PFDN1: variants seen among roughly 807,000 people sequenced by gnomAD.
PFDN1 encodes the protein prefoldin 1.
In PFDN1, 6 loss-of-function variants were observed where a neutral mutation model predicts 17.3. The ratio of observed to expected loss-of-function variants is 0.35; its 90% CI spans 0.19 to 0.69. The LOEUF (loss-of-function observed/expected upper bound fraction) is 0.69, where lower values mean the gene tolerates loss of function less well. Among genes scored for constraint, PFDN1 ranks in the 30% least tolerant of loss-of-function variants. PFDN1 has a pLI of 0.65. For synonymous variants in PFDN1, 58 were observed against 50.1 expected (o/e 1.16, Z -0.67); for missense variants, 113 against 146.2 (o/e 0.77, Z 1.17).
At chr5:140,301,275 AAG>A (rs1417375764) in intron 1 of PFDN1, among the ~76,000 whole-genome samples, 1 of 152,238 alleles carries the variant, frequency 6.6e-6, no homozygotes, top group Non-Finnish European at 1.5e-5. Flanking sequence ...AAGACCAAGA[AAG>A]AGAGTGAGAA....
At chr5:140,276,015 T>TTGATGATGATGA (rs57224353) in intron 3 of PFDN1, among the ~76,000 whole-genome samples, 8 of 149,256 alleles carry the variant, frequency 5.4e-5, no homozygotes, top group Admixed American at 2.7e-4. Flanking sequence ...AGAAGAGAAA[T>TTGATGATGATGA]TGATGATGAT....
intron 3 of PFDN1, among the ~76,000 whole-genome samples, chr5:140,272,342 A>G (rs1380732115): frequency 6.8e-6 from 1 of 146,158 alleles, no homozygotes. Flanking sequence ...TTTTAGAGAT[A>G]CATCCATAGG....
intron 3 of PFDN1, among the ~76,000 whole-genome samples, chr5:140,267,342 C>A (rs1765147136): frequency 6.6e-6 from 1 of 152,242 alleles, no homozygotes. Flanking sequence ...AAGCTAAATG[C>A]ACATTTCCAT....
At position 140,246,030 on chromosome 5, in the gene PFDN1, C is replaced by T. The variant is rs757466775; in HGVS notation, c.313G>A (p.Val105Ile). 5 of 1,562,004 alleles carry T rather than the reference C, an allele frequency of 3.2e-6. No homozygotes were observed. The highest frequency in any genetic ancestry group is 1.4e-5 in the African/African-American group (1 of 73,940). ...EQKKSYLERS[V>I]KEAEDNIREM... ...CGGATGTTGTCCTCAGCTTCCTTAA[C>T]GCTTCGCTCCAGGTAGGACTTTTTC... The change falls in exon 4 of 4, where the codon GTT (valine) becomes ATT (isoleucine). Residue 105 changes from valine to isoleucine, a missense_variant. Coordinates refer to ENST00000261813, the MANE Select transcript of PFDN1 (RefSeq NM_002622.5).
chr5:140,259,543 C>CA (rs1374084468), intron 3 of PFDN1, among the ~76,000 whole-genome samples: 1 of 152,166 alleles, frequency 6.6e-6, no homozygotes. Context: ...AAAACAACAA[C>CA]AAAAAACAGT....
intron 3 of PFDN1, among the ~76,000 whole-genome samples, chr5:140,255,751 T>C (rs1342175290): frequency 2.0e-5 from 3 of 152,174 alleles, no homozygotes; most frequent in African/African-American, 7.2e-5. Context: ...TTCTTCTTAA[T>C]CTTCTATTTC....
rs776209656 is a variant in PFDN1 at position 140,245,533 on chromosome 5, G to A, written c.*441C>T. 12 of 702,628 alleles carry A rather than the reference G, an allele frequency of 1.7e-5. No homozygotes were observed. In the South Asian group the frequency reaches 1.8e-4, roughly 10 times the overall value. 43.5% of individuals were successfully genotyped at this position (702,628 alleles called of 1,614,324 possible). On this transcript the variant is annotated 3_prime_UTR_variant, in exon 4 of 4. Transcript: ENST00000261813. The stretch of plus-strand genomic sequence containing the variant: ...GGGCAAGGCCCATCCCCCAAGAAAG[G>A]AAGGGCTCTGATGCAGAGGGAGCAG...
At chr5:140,253,176 C>T (rs1218249697) in intron 3 of PFDN1, among the ~76,000 whole-genome samples, 1 of 152,184 alleles carries the variant, frequency 6.6e-6, no homozygotes, top group Non-Finnish European at 1.5e-5. Flanking sequence ...AAAAGAAAGA[C>T]AGAAAAGACC....
chr5:140,293,078 G>A (rs1481149111), intron 2 of PFDN1: 4 of 152,056 alleles, frequency 2.6e-5, no homozygotes, highest in Non-Finnish European at 5.9e-5. Context: ...AAAATTGACT[G>A]TTTTCAGAGA....
At chr5:140,263,591 C>T (rs1215318164) in intron 3 of PFDN1, among the ~76,000 whole-genome samples, 1 of 152,028 alleles carries the variant, frequency 6.6e-6, no homozygotes, top group African/African-American at 2.4e-5. Flanking sequence ...TCTATTTTTG[C>T]ATTACTATAA....
intron 2 of PFDN1, among the ~76,000 whole-genome samples, chr5:140,296,657 CAT>C (rs765051072): frequency 1.1e-4 from 17 of 152,302 alleles, no homozygotes; most frequent in South Asian, 2.1e-4. Context: ...AAAAACATAA[CAT>C]GTGTGAGGAA....
chr5:140,250,888 A>T (rs1277266486), intron 3 of PFDN1, among the ~76,000 whole-genome samples: 1 of 152,216 alleles, frequency 6.6e-6, no homozygotes, highest in African/African-American at 2.4e-5. Flanking sequence ...CAAGTATTTG[A>T]GGTAATGAAT....
intron 3 of PFDN1, among the ~76,000 whole-genome samples, chr5:140,278,628 T>C (rs1285134673): frequency 8.3e-6 from 1 of 120,436 alleles, no homozygotes; most frequent in African/African-American, 3.1e-5. Context: ...TATACAGTAA[T>C]AATGAGCACT....
intron 3 of PFDN1, among the ~76,000 whole-genome samples, chr5:140,258,267 T>A (rs1765015908): frequency 6.6e-6 from 1 of 152,076 alleles, no homozygotes; most frequent in African/African-American, 2.4e-5. Flanking sequence ...AAACGTCCTA[T>A]GAGTCATGAA....
chr5:140,300,480 G>C lies in PFDN1; in HGVS notation c.136C>G (p.Leu46Val). Residue 46 changes from leucine (L) to valine (V), a missense_variant, in exon 2 of 4, where the codon CTT (leucine) becomes GTT (valine). Physicochemically the swap from Leu to Val is conservative, Grantham distance 32. Transcript: ENST00000261813. Reference sequence around the variant, plus strand: ...AAAGTCATGATCTCTGTATCTGTAAGATGTGCATGCTTTTTCGTTCTGTTT... The same window carrying C: ...AAAGTCATGATCTCTGTATCTGTAACATGTGCATGCTTTTTCGTTCTGTTT... ...QLNRTKKHAHLTDTEIMTLVD... is the reference protein window; with the variant it reads ...QLNRTKKHAHVTDTEIMTLVD... 6.2e-7 allele frequency: 1 copy of C among 1,610,584 alleles called. No homozygotes were observed. The highest frequency in any genetic ancestry group is 2.2e-5 in the East Asian group (1 of 44,862).
intron 2 of PFDN1, among the ~76,000 whole-genome samples, chr5:140,298,309 CAT>C (rs547286029): frequency 3.3e-3 from 505 of 152,252 alleles, no homozygotes; most frequent in Non-Finnish European, 5.2e-3. Flanking sequence ...AAATTTTACA[CAT>C]GTTATTCTTT....
intron 1 of PFDN1, among the ~76,000 whole-genome samples, chr5:140,301,158 G>C (rs565699107): frequency 6.6e-6 from 1 of 152,268 alleles, no homozygotes; most frequent in South Asian, 2.1e-4. Flanking sequence ...CAACTACTGG[G>C]GGGAAGGCAG....
chr5:140,274,679 T>C (rs1765262845), intron 3 of PFDN1, among the ~76,000 whole-genome samples: 1 of 152,160 alleles, frequency 6.6e-6, no homozygotes, highest in Non-Finnish European at 1.5e-5. Context: ...ATTACAGTGA[T>C]GATGGCCTGA....
At chr5:140,266,884 G>A (rs549375599) in intron 3 of PFDN1, among the ~76,000 whole-genome samples, 2 of 152,398 alleles carry the variant, frequency 1.3e-5, no homozygotes, top group East Asian at 3.9e-4. Flanking sequence ...AAGGCACAGA[G>A]AGGACAAGAG....
Sources: gnomAD v4.1 joint callset for allele counts (sites outside exome capture counted in the v4.1 genomes callset) on GRCh38, gnomAD v4.1.1 for gene constraint, MANE v1.5 for transcripts, NCBI Gene and HGNC (gene_info 2026-07-23, HGNC 2026-07-21) for gene names.